EYA1: variants seen among roughly 807,000 people sequenced by gnomAD.
EYA1 encodes the protein EYA transcriptional coactivator and phosphatase 1, also known as protein phosphatase EYA1.
EYA1 carries 16 observed loss-of-function variants against 82.0 expected under a neutral mutation model. That is an observed-to-expected ratio of 0.20 (90% CI 0.13 to 0.30). The LOEUF is 0.30. EYA1 is among the 10% of genes least tolerant of loss of function. The pLI, the probability that EYA1 is intolerant of heterozygous loss-of-function variation, is 1.00. For synonymous variants in EYA1, 261 were observed against 264.4 expected (o/e 0.99, Z 0.12); for missense variants, 633 against 730.7 (o/e 0.87, Z 1.54).
chr8:71,266,977 T>G (rs1376536619), intron 11 of EYA1, among the ~76,000 whole-genome samples: 1 of 152,242 alleles, frequency 6.6e-6, no homozygotes, highest in East Asian at 1.9e-4. Context: ...ACCTGCAATG[T>G]AATCCAGAGT....
At chr8:71,228,180 G>A (rs1373303396) in intron 12 of EYA1, among the ~76,000 whole-genome samples, 3 of 152,104 alleles carry the variant, frequency 2.0e-5, no homozygotes, top group Admixed American at 6.5e-5. Flanking sequence ...AGACCCTGGC[G>A]GCGAGGAGAG....
chr8:71,413,620 G>C (rs868295959), intron 2 of EYA1, among the ~76,000 whole-genome samples: 50 of 152,266 alleles, frequency 3.3e-4, no homozygotes, highest in African/African-American at 1.1e-3. Context: ...GCCATTTTCT[G>C]ATTATAAACA....
intron 2 of EYA1, among the ~76,000 whole-genome samples, chr8:71,405,284 T>C (rs1830157994): frequency 6.6e-6 from 1 of 152,146 alleles, no homozygotes; most frequent in Non-Finnish European, 1.5e-5. Context: ...GAGATGCTAT[T>C]TAGAACAATG....
rs1386157849 is a variant in EYA1 at position 71,199,287 on chromosome 8, G to T, written c.*53C>A. 2 of 1,343,404 alleles carry T rather than the reference G, an allele frequency of 1.5e-6. No homozygotes were observed. The highest frequency in any genetic ancestry group is 2.1e-6 in the Non-Finnish European group (2 of 948,974). The allele number at this position is 1,343,404 out of a possible 1,614,324, so 83.2% of individuals were successfully genotyped here. A position where few individuals can be genotyped will look rare whatever the true frequency, so the allele number is the denominator to read the frequency against. ...CGCTGATGCGAGACTGGGGCCTGCT[G>T]GATCTGTCCCTGGTCACAGAGCAGC... is the stretch of plus-strand genomic sequence containing the variant. On this transcript the variant is annotated 3_prime_UTR_variant, in exon 18 of 18. Coordinates refer to ENST00000340726, the MANE Select transcript of EYA1 (RefSeq NM_000503.6).
In EYA1 at chr8:71,303,171, C is replaced by A. The variant is rs189670152; in HGVS notation, c.557-3451G>T. 2.9e-3 allele frequency among the ~76,000 whole-genome samples: 417 copies of A among 142,208 alleles called. 35 individuals are homozygous for A. Among genetic ancestry groups the A allele is most frequent in the African/African-American group, 9.8e-3 (395 of 40,324 alleles). The allele number at this position is 142,208 out of a possible 152,430, so 93.3% of individuals were successfully genotyped here. ...TTCAGCAGAATTTGAAATCCGCTTT[C>A]TCAGAAAAGCCTCCCTGAATCCCCA... On this transcript the variant is annotated intron_variant, in intron 7 of 17. Coordinates refer to ENST00000340726, the MANE Select transcript of EYA1 (RefSeq NM_000503.6).
Position 71,507,005 on chromosome 8 carries a change from C to T in EYA1, c.33+28739G>A, listed in dbSNP as rs117553517. Among the ~76,000 whole-genome samples the T allele has an allele frequency of 2.7e-3, 415 of 151,858 alleles. 4 individuals carry two copies. The East Asian group carries it at 0.035, about 13-fold the overall frequency. On this transcript the variant is annotated intron_variant, in intron 2 of 18. Transcript: ENST00000643681. ...AATAGACAAGAGACTGGGAAATAAC[C>T]GAAATTCAACAGAAAAGGAATAACT...
At chr8:71,397,382 A>C (rs1384821480) in intron 2 of EYA1, among the ~76,000 whole-genome samples, 1 of 152,132 alleles carries the variant, frequency 6.6e-6, no homozygotes, top group African/African-American at 2.4e-5. Flanking sequence ...TCTTCCTAGC[A>C]TCGATGGTCT....
At chr8:71,358,169 A>G (rs1827066226) in intron 1 of EYA1, among the ~76,000 whole-genome samples, 2 of 152,182 alleles carry the variant, frequency 1.3e-5, no homozygotes, top group African/African-American at 4.8e-5. Context: ...TTCAGTATAC[A>G]CTTTGAAAGT....
chr8:71,284,573 G>T (rs1818170105), intron 9 of EYA1, among the ~76,000 whole-genome samples: 1 of 152,176 alleles, frequency 6.6e-6, no homozygotes, highest in Non-Finnish European at 1.5e-5. Flanking sequence ...GCATGCTAAA[G>T]TGTTTTATAC....
At chr8:71,408,246 T>C (rs375464032) in intron 2 of EYA1, among the ~76,000 whole-genome samples, 168 of 151,972 alleles carry the variant, frequency 1.1e-3, no homozygotes, top group African/African-American at 3.7e-3. Flanking sequence ...AAGGAACAAC[T>C]GGTACCAGCC....
chr8:71,274,452 C>T (rs1299264971), intron 9 of EYA1, among the ~76,000 whole-genome samples: 1 of 152,176 alleles, frequency 6.6e-6, no homozygotes, highest in Non-Finnish European at 1.5e-5. Context: ...TTCACTAAAA[C>T]CCTCTCCAAA....
At chr8:71,502,805 A>G (rs1811909517) in intron 2 of EYA1, among the ~76,000 whole-genome samples, 1 of 152,174 alleles carries the variant, frequency 6.6e-6, no homozygotes, top group Non-Finnish European at 1.5e-5. Flanking sequence ...CTCTGCTACA[A>G]TCTTGCCTCC....
At chr8:71,258,800 T>C (rs1814754547) in intron 11 of EYA1, among the ~76,000 whole-genome samples, 1 of 152,220 alleles carries the variant, frequency 6.6e-6, no homozygotes. Context: ...ATAAGGACTG[T>C]GAAAACTGTT....
chr8:71,363,497 G>A (rs990123011), upstream of EYA1, among the ~76,000 whole-genome samples: 5 of 152,016 alleles, frequency 3.3e-5, 1 homozygote, highest in Non-Finnish European at 5.9e-5. Flanking sequence ...AGGAATCATG[G>A]GCTAGTCATC....
intron 2 of EYA1, among the ~76,000 whole-genome samples, chr8:71,484,037 C>G (rs532247003): frequency 3.6e-4 from 55 of 152,304 alleles, no homozygotes; most frequent in African/African-American, 1.3e-3. Flanking sequence ...CAAGCAGCTA[C>G]TGAATTACAC....
intron 2 of EYA1, among the ~76,000 whole-genome samples, chr8:71,518,034 C>T (rs1023607068): frequency 4.1e-4 from 63 of 151,830 alleles, no homozygotes; most frequent in African/African-American, 1.5e-3. Context: ...TAACATATTA[C>T]ATATAATAAA....
intron 10 of EYA1, among the ~76,000 whole-genome samples, chr8:71,270,637 C>T (rs1816408970): frequency 6.6e-6 from 1 of 152,190 alleles, no homozygotes; most frequent in Non-Finnish European, 1.5e-5. Context: ...TCAGATTTCA[C>T]TCTGGCAAAA....
intron 2 of EYA1, among the ~76,000 whole-genome samples, chr8:71,396,185 C>T (rs950140623): frequency 6.6e-6 from 1 of 151,878 alleles, no homozygotes; most frequent in Admixed American, 6.6e-5. Context: ...TCTCTCTTTT[C>T]TTCTTTATTA....
At chr8:71,290,746 G>A (rs963919852) in intron 9 of EYA1, among the ~76,000 whole-genome samples, 2 of 151,848 alleles carry the variant, frequency 1.3e-5, no homozygotes, top group Admixed American at 1.3e-4. Flanking sequence ...AACAAAGAGT[G>A]AACTTTATTT....
Sources: allele counts gnomAD v4.1 joint callset (sites outside exome capture counted in the v4.1 genomes callset), GRCh38; gene constraint gnomAD v4.1.1; transcripts MANE v1.5; gene names NCBI Gene and HGNC (gene_info 2026-07-23, HGNC 2026-07-21).